Variants in DLGAP2 observed in about 807,000 individuals in gnomAD.
The protein encoded by DLGAP2 is DLG associated protein 2, also known as disks large-associated protein 2.
Under a neutral mutation model 100.3 loss-of-function variants are expected in DLGAP2, and 26 were observed. That is an observed-to-expected ratio of 0.26 (90% CI 0.19 to 0.36). DLGAP2 has a LOEUF of 0.36. Ranked by LOEUF, DLGAP2 falls within the 10% of genes least tolerant of loss-of-function variation. DLGAP2 has a pLI of 1.00. For missense variants in DLGAP2, 1,858 were observed against 1,453.2 expected, an observed-to-expected ratio of 1.28 and a Z score of -4.53; for synonymous variants, 886 against 630.1, an observed-to-expected ratio of 1.41 and a Z score of -6.08.
chr8:1,590,969 A>C (rs897295909), intron 6 of DLGAP2, among the ~76,000 whole-genome samples: 1 of 152,212 alleles, frequency 6.6e-6, no homozygotes, highest in Non-Finnish European at 1.5e-5. Flanking sequence ...CAAGCAAAAC[A>C]TATGTGCTTC....
intron 1 of DLGAP2, among the ~76,000 whole-genome samples, chr8:833,785 T>C (rs1056554237): frequency 2.0e-5 from 3 of 151,724 alleles, no homozygotes; most frequent in African/African-American, 7.3e-5. Context: ...TCTTTAGAGA[T>C]TTTTTACCAT....
chr8:1,449,852 G>A (rs1299594120), intron 3 of DLGAP2, among the ~76,000 whole-genome samples: 1 of 145,084 alleles, frequency 6.9e-6, no homozygotes, highest in Non-Finnish European at 1.5e-5. Flanking sequence ...GCGGAGCTGT[G>A]AGGGTGAAGA....
rs142071274 is a variant in DLGAP2 at position 1,349,313 on chromosome 8, C to T, written c.106+90430C>T. Among the ~76,000 whole-genome samples the T allele has an allele frequency of 3.0e-3, 445 of 150,140 alleles. 2 individuals carry two copies. Among genetic ancestry groups the T allele is most frequent in the Middle Eastern group, 0.014 (4 of 290 alleles). ...TCCACACATGTCATGAGCCTCCCGC[C>T]CACATCCACACACAGGTAGGAAGGG... On this transcript the variant is annotated intron_variant, in intron 3 of 14. Transcript: ENST00000637795.
chr8:754,597 C>T (rs749185678), intron 1 of DLGAP2, among the ~76,000 whole-genome samples: 3 of 152,182 alleles, frequency 2.0e-5, no homozygotes, highest in Non-Finnish European at 4.4e-5. Context: ...CTTACACCTG[C>T]AATCCCAGTG....
At chr8:871,954 A>G (rs185785816) in intron 1 of DLGAP2, among the ~76,000 whole-genome samples, 121 of 152,170 alleles carry the variant, frequency 8.0e-4, no homozygotes, top group African/African-American at 2.7e-3. Context: ...TTCTTGTTGA[A>G]TTTCTTCTTA....
intron 3 of DLGAP2, among the ~76,000 whole-genome samples, chr8:1,446,724 T>G (rs939075773): frequency 6.6e-6 from 1 of 152,210 alleles, no homozygotes; most frequent in South Asian, 2.1e-4. Flanking sequence ...CTACCAATGA[T>G]CATGGAATGT....
intron 1 of DLGAP2, among the ~76,000 whole-genome samples, chr8:881,005 G>A (rs1797779647): frequency 6.6e-6 from 1 of 152,216 alleles, no homozygotes; most frequent in African/African-American, 2.4e-5. Flanking sequence ...TGCTTGATAG[G>A]TGCTCAGTAA....
At chr8:1,591,498 G>A (rs1584963955) in intron 6 of DLGAP2, among the ~76,000 whole-genome samples, 1 of 151,496 alleles carries the variant, frequency 6.6e-6, no homozygotes, top group East Asian at 2.0e-4. Flanking sequence ...CTAACATGGA[G>A]AGATGGCTCA....
chr8:1,599,007 G>A (rs371458606), intron 6 of DLGAP2, among the ~76,000 whole-genome samples: 19 of 152,172 alleles, frequency 1.2e-4, no homozygotes, highest in African/African-American at 4.3e-4. Context: ...GGCATTTGGT[G>A]CTATAAATTT....
chr8:1,342,266 G>C (rs897301409), intron 3 of DLGAP2, among the ~76,000 whole-genome samples: 6 of 152,142 alleles, frequency 3.9e-5, no homozygotes, highest in Non-Finnish European at 1.5e-5. Context: ...GGTTTTAAGT[G>C]ACTTGTTTCA....
intron 2 of DLGAP2, among the ~76,000 whole-genome samples, chr8:1,134,440 C>G (rs542584163): frequency 6.6e-6 from 1 of 152,308 alleles, no homozygotes; most frequent in East Asian, 1.9e-4. Flanking sequence ...GTAATTTACA[C>G]TCCCACCAAC....
chr8:1,067,604 CGTGT>C (rs3220190), intron 2 of DLGAP2, among the ~76,000 whole-genome samples: 3,654 of 140,354 alleles, frequency 0.026, 89 homozygotes, highest in African/African-American at 0.057. Context: ...GGTTGAGTGA[CGTGT>C]GTGTGTGTGT....
At chr8:1,307,923 G>C (rs1800527541) in intron 3 of DLGAP2, among the ~76,000 whole-genome samples, 1 of 149,246 alleles carries the variant, frequency 6.7e-6, no homozygotes, top group South Asian at 2.1e-4. Context: ...TGAGGAAAAG[G>C]ACGCATTTTG....
At chr8:1,057,086 A>T (rs1472311347) in intron 2 of DLGAP2, among the ~76,000 whole-genome samples, 1 of 152,242 alleles carries the variant, frequency 6.6e-6, no homozygotes, top group Non-Finnish European at 1.5e-5. Flanking sequence ...ATTTTTCTGC[A>T]TGAAAATGAG....
intron 1 of DLGAP2, among the ~76,000 whole-genome samples, chr8:816,029 T>C (rs1796470011): frequency 6.6e-6 from 1 of 152,226 alleles, no homozygotes; most frequent in Non-Finnish European, 1.5e-5. Context: ...GAGTAGTTAC[T>C]CCTGCTTGCT....
intron 8 of DLGAP2, among the ~76,000 whole-genome samples, chr8:1,661,274 G>A (rs1336082506): frequency 1.3e-5 from 2 of 152,230 alleles, no homozygotes; most frequent in Non-Finnish European, 2.9e-5. Flanking sequence ...GGTGGGGGCT[G>A]CAGACCTGTG....
At chr8:1,579,323 A>G (rs1364642642) in intron 6 of DLGAP2, among the ~76,000 whole-genome samples, 1 of 152,160 alleles carries the variant, frequency 6.6e-6, no homozygotes, top group Non-Finnish European at 1.5e-5. Context: ...ACACACACAT[A>G]TATGTGTGTA....
chr8:793,228 A>G (rs1255219697), intron 1 of DLGAP2, among the ~76,000 whole-genome samples: 1 of 152,200 alleles, frequency 6.6e-6, no homozygotes, highest in Non-Finnish European at 1.5e-5. Flanking sequence ...ATGTCTAAAA[A>G]TATGTTTATT....
At chr8:1,493,098 G>A (rs1038126973) in intron 3 of DLGAP2, among the ~76,000 whole-genome samples, 2 of 152,218 alleles carry the variant, frequency 1.3e-5, no homozygotes, top group African/African-American at 2.4e-5. Flanking sequence ...CAGGGCACAA[G>A]GTGACAACGA....
Sources: gnomAD v4.1 joint callset for allele counts (sites outside exome capture counted in the v4.1 genomes callset) on GRCh38, gnomAD v4.1.1 for gene constraint, MANE v1.5 for transcripts, NCBI Gene and HGNC (gene_info 2026-07-23, HGNC 2026-07-21) for gene names.